MAP3K15: variants seen among roughly 807,000 people sequenced by gnomAD.
The protein encoded by MAP3K15 is mitogen-activated protein kinase kinase kinase 15.
A neutral mutation model predicts 99.5 loss-of-function variants in MAP3K15; 124 were observed. The ratio of observed to expected loss-of-function variants is 1.25; its 90% CI spans 1.08 to 1.45. The LOEUF is 1.45. Among genes scored for constraint, MAP3K15 ranks in the 40% most tolerant of loss-of-function variants. The probability of loss-of-function intolerance (pLI) is 0.00; values close to 1 mark genes in which losing one functional copy is unlikely to be tolerated. For missense variants in MAP3K15, 1,242 were observed against 1,079.7 expected, an observed-to-expected ratio of 1.15 and a Z score of -2.11; for synonymous variants, 494 against 439.6, an observed-to-expected ratio of 1.12 and a Z score of -1.55.
intron 1 of MAP3K15, among the ~76,000 whole-genome samples, chrX:19,491,830 T>TGTGCCACCATGCCC (rs1569242306): frequency 9.1e-6 from 1 of 110,207 alleles, no homozygotes; most frequent in Admixed American, 9.7e-5. Flanking sequence ...ACTACAGGCA[T>TGTGCCACCATGCCC]GTGCCACCAT....
chrX:19,458,089 C>T (rs2147354012), intron 5 of MAP3K15, among the ~76,000 whole-genome samples: 1 of 112,381 alleles, frequency 8.9e-6, no homozygotes, highest in Non-Finnish European at 1.9e-5. Flanking sequence ...AACTGGCCAA[C>T]TTGCTGACAG....
At chrX:19,512,983 G>A (rs976318176) in intron 1 of MAP3K15, among the ~76,000 whole-genome samples, 1 of 111,433 alleles carries the variant, frequency 9.0e-6, no homozygotes, top group African/African-American at 3.3e-5. Flanking sequence ...GACAGTGGAG[G>A]TGCTCATCTG....
chrX:19,431,698 C>A (rs764687911), intron 6 of MAP3K15, 90 bp from the exon 7 acceptor site: 14 of 817,444 alleles, frequency 1.7e-5, no homozygotes, highest in African/African-American at 1.4e-4. Context: ...GTAATCCCAG[C>A]ACTTTGGGAG....
chrX:19,392,562 A>T, intron 16 of MAP3K15, 89 bp from the exon 17 acceptor site: 2 of 930,233 alleles, frequency 2.2e-6, no homozygotes, highest in African/African-American at 1.9e-5. Context: ...TTTCTAACCT[A>T]ACCTAAGTGC....
At chrX:19,452,220 G>A (rs1255596988) in intron 6 of MAP3K15, among the ~76,000 whole-genome samples, 2 of 10 alleles carry the variant, frequency 0.2, no homozygotes, top group African/African-American at 0.12. Flanking sequence ...GAAGAGAAGA[G>A]AAGAGAAGAG....
chrX:19,488,864 G>T lies in MAP3K15; in HGVS notation c.465C>A (p.Tyr155Ter). The T allele has an allele frequency of 8.3e-7, 1 of 1,199,509 alleles. No homozygotes were observed. Among genetic ancestry groups the T allele is most frequent in the Non-Finnish European group, 1.1e-6 (1 of 894,612 alleles). Residue 155 changes from tyrosine to a stop codon, truncating the protein, a stop_gained, in exon 2 of 29, where the codon TAC (tyrosine) becomes TAA (stop). Coordinates refer to ENST00000338883, the MANE Select transcript of MAP3K15 (RefSeq NM_001001671.4). LOFTEE classifies it high-confidence loss of function. ...SFDMANNVIL[Y>*]HDTDADTALS... ...GAGCAGTGTCGGCATCGGTGTCATG[G>T]TACAAGATCACATTATTGGCCATGT...
At chrX:19,411,518 C>A (rs1304531509) in intron 11 of MAP3K15, among the ~76,000 whole-genome samples, 2 of 112,234 alleles carry the variant, frequency 1.8e-5, no homozygotes, top group Non-Finnish European at 3.8e-5. Flanking sequence ...GAGAGATGGA[C>A]AATAGATTAA....
In MAP3K15 at chrX:19,403,894, A is replaced by G. The variant is rs146495579; in HGVS notation, c.1845-3231T>C. ...TTCCTCAATCTGATAAAGGTTATCT[A>G]TGAAAAATCTGCTGCTAACATCATA... On this transcript the variant is annotated intron_variant, in intron 13 of 28. Transcript: ENST00000338883. Among the ~76,000 whole-genome samples, 20 of 111,934 alleles carry G rather than the reference A, an allele frequency of 1.8e-4. No individual in the cohort carries two copies. The South Asian group carries it at 2.2e-3, about 12-fold the overall frequency.
intron 2 of MAP3K15, among the ~76,000 whole-genome samples, chrX:19,487,676 G>A (rs1569240998): frequency 8.9e-6 from 1 of 111,984 alleles, no homozygotes; most frequent in Admixed American, 9.5e-5. Flanking sequence ...TATATATGAT[G>A]TTTAGCACAT....
chrX:19,476,655 G>A (rs2064245106), intron 3 of MAP3K15, among the ~76,000 whole-genome samples: 1 of 111,891 alleles, frequency 8.9e-6, no homozygotes, highest in Non-Finnish European at 1.9e-5. Context: ...TAATTATCTG[G>A]TCATAGGAGG....
intron 3 of MAP3K15, among the ~76,000 whole-genome samples, chrX:19,472,026 T>C (rs756782230): frequency 3.2e-4 from 35 of 110,491 alleles, no homozygotes; most frequent in Non-Finnish European, 4.2e-4. Context: ...ATTGAGACCA[T>C]CCTGGCTAAC....
chrX:19,509,214 T>C (rs906017548), intron 1 of MAP3K15, among the ~76,000 whole-genome samples: 2 of 111,742 alleles, frequency 1.8e-5, no homozygotes, highest in African/African-American at 6.5e-5. Context: ...CCATAGATGA[T>C]GGCCCCTAAA....
intron 13 of MAP3K15, 26 bp from the exon 14 acceptor site, chrX:19,400,689 G>A (rs376647271): frequency 5.8e-5 from 61 of 1,059,364 alleles, no homozygotes; most frequent in Non-Finnish European, 6.5e-5. Context: ...TCACAAATAC[G>A]TTGCCAACTC....
At chrX:19,464,997 C>A (rs1463125518) in intron 3 of MAP3K15, among the ~76,000 whole-genome samples, 1 of 110,615 alleles carries the variant, frequency 9.0e-6, no homozygotes. Flanking sequence ...GCTCAAACAA[C>A]CCTCCCACCT....
At chrX:19,405,808 C>T (rs905436987) in intron 13 of MAP3K15, among the ~76,000 whole-genome samples, 5 of 111,994 alleles carry the variant, frequency 4.5e-5, no homozygotes, top group Non-Finnish European at 7.5e-5. Flanking sequence ...AATGTAAAAC[C>T]AATGTGGTAA....
At position 19,431,435 on chromosome X, in the gene MAP3K15, T is replaced by A; in HGVS notation, c.1166+3A>T. The A allele has an allele frequency of 8.3e-7, 1 of 1,198,867 alleles. No homozygotes were observed. Among genetic ancestry groups the A allele is most frequent in the Non-Finnish European group, 1.1e-6 (1 of 894,068 alleles). ...GTGCTCATAACTCGGGCTGAGGGTT[T>A]ACCACTCAATGGCGCTGTCGCGGCT... On this transcript the variant is annotated splice_donor_region_variant and intron_variant, in intron 7 of 28. Transcript: ENST00000338883.
chrX:19,409,024 C>T (rs2063667640), intron 12 of MAP3K15, among the ~76,000 whole-genome samples: 1 of 112,040 alleles, frequency 8.9e-6, no homozygotes, highest in Non-Finnish European at 1.9e-5. Flanking sequence ...GTATGCTTTG[C>T]TGAGTGTATT....
intron 3 of MAP3K15, among the ~76,000 whole-genome samples, chrX:19,475,398 G>A (rs747814793): frequency 1.8e-5 from 2 of 111,231 alleles, no homozygotes; most frequent in South Asian, 7.7e-4. Context: ...CCTGCTGTGC[G>A]GCCCGGTCGG....
At chrX:19,363,919 C>T (rs2063316224) in intron 25 of MAP3K15, among the ~76,000 whole-genome samples, 4 of 111,077 alleles carry the variant, frequency 3.6e-5, no homozygotes, top group Non-Finnish European at 7.5e-5. Context: ...TCCCAAAGTG[C>T]TGGGATTACA....
Sources: gnomAD v4.1 joint callset for allele counts (sites outside exome capture counted in the v4.1 genomes callset) on GRCh38, gnomAD v4.1.1 for gene constraint, MANE v1.5 for transcripts, NCBI Gene and HGNC (gene_info 2026-07-23, HGNC 2026-07-21) for gene names.